Variants in HMCN1 observed in about 807,000 individuals in gnomAD.
The protein encoded by HMCN1 is hemicentin-1.
In HMCN1, 321 loss-of-function variants were observed where a neutral mutation model predicts 625.9. That is an observed-to-expected ratio of 0.51 (90% CI 0.47 to 0.56). The LOEUF is 0.56. Among genes scored for constraint, HMCN1 ranks in the 20% least tolerant of loss-of-function variants. The pLI is 0.00. For missense variants in HMCN1, 6,588 were observed against 6,887.3 expected (o/e 0.96, Z 1.54); for synonymous variants, 2,425 against 2,417.6 (o/e 1.00, Z -0.09).
chr1:185,837,464 T>C (rs1406844098), intron 1 of HMCN1, among the ~76,000 whole-genome samples: 1 of 152,016 alleles, frequency 6.6e-6, no homozygotes, highest in Non-Finnish European at 1.5e-5. Flanking sequence ...AGTTGAACAA[T>C]CTCTTCAGAT....
At chr1:186,070,584 C>A in intron 51 of HMCN1, 28 bp from the exon 52 acceptor site, 1 of 1,591,856 alleles carries the variant, frequency 6.3e-7, no homozygotes, top group African/African-American at 1.3e-5. Flanking sequence ...TAACCAATGT[C>A]TAACTCTTTA....
Position 186,145,876 on chromosome 1 carries a change from C to A in HMCN1, c.14561C>A (p.Pro4854His). Residue 4854 changes from proline to histidine, a missense_variant, in exon 93 of 107, where the codon CCC becomes CAC. Physicochemically the swap from Pro to His is moderately conservative, Grantham distance 77. Transcript: ENST00000271588. ...CCAGTTAAAGGTGGCCGTCCCTGTCCCGGAGACACTACTCAGGTGACCAGG... is the reference window on the plus strand; with the variant it reads ...CCAGTTAAAGGTGGCCGTCCCTGTCACGGAGACACTACTCAGGTGACCAGG... ...PVPVKGGRPC[P>H]GDTTQVTRCN... 1 of 1,613,998 alleles carries A rather than the reference C, an allele frequency of 6.2e-7. No homozygotes were observed.
At chr1:185,995,205 T>G (rs1354830373) in intron 24 of HMCN1, 118 bp downstream of exon 24, 1 of 910,432 alleles carries the variant, frequency 1.1e-6, no homozygotes, top group African/African-American at 1.7e-5. Context: ...TCTATATAAC[T>G]TTTGTGACTC....
chr1:186,076,302 C>T, intron 53 of HMCN1, 126 bp from the exon 54 acceptor site: 2 of 951,718 alleles, frequency 2.1e-6, no homozygotes, highest in South Asian at 2.8e-5. Flanking sequence ...GTGGTGGCGT[C>T]AGTACTTGAA....
At chr1:186,069,268 G>A (rs904694571) in intron 50 of HMCN1, among the ~76,000 whole-genome samples, 10 of 152,142 alleles carry the variant, frequency 6.6e-5, no homozygotes, top group South Asian at 2.1e-4. Context: ...TATTTAAGAA[G>A]GATAGGACCA....
intron 1 of HMCN1, among the ~76,000 whole-genome samples, chr1:185,738,316 T>C (rs1653737517): frequency 6.6e-6 from 1 of 152,162 alleles, no homozygotes; most frequent in Non-Finnish European, 1.5e-5. Context: ...TATACCCCAA[T>C]CATCTTCCCC....
intron 1 of HMCN1, among the ~76,000 whole-genome samples, chr1:185,778,057 C>T (rs564750213): frequency 6.6e-6 from 1 of 152,200 alleles, no homozygotes; most frequent in Non-Finnish European, 1.5e-5. Context: ...AATTGGGGAA[C>T]TTTCTTACTC....
Position 186,045,694 on chromosome 1 carries a change from C to T in HMCN1, c.6311C>T (p.Pro2104Leu), listed in dbSNP as rs772699843. ...AAACCCATCTTTCATGTAGTTCCGC[C>T]AAATATTATGGGAGAAGAACAGAAT... ...RDIDLRVYVP[P>L]NIMGEEQNVS... The change falls in exon 41 of 107, where the codon CCA becomes CTA. Residue 2104 changes from proline to leucine, a missense_variant. Pro to Leu is a moderately conservative substitution (Grantham distance 98). Around this residue, in one of 3 missense-constraint regions of HMCN1, gnomAD observed 4,628 missense variants for 4,853.1 expected, o/e 0.95. Coordinates refer to ENST00000271588, the MANE Select transcript of HMCN1 (RefSeq NM_031935.3). 1.9e-6 allele frequency: 3 copies of T among 1,613,018 alleles called. No individual in the cohort carries two copies. The East Asian group carries it at 6.7e-5, about 36-fold the overall frequency.
chr1:186,063,077 T>TATATATAC (rs1657843666), intron 48 of HMCN1, among the ~76,000 whole-genome samples: 2 of 94,016 alleles, frequency 2.1e-5, no homozygotes, highest in Admixed American at 1.1e-4. Context: ...CATATATATA[T>TATATATAC]ATATATATAT....
At chr1:186,074,929 A>G (rs1331789993) in intron 53 of HMCN1, 38 bp downstream of exon 53, 3 of 1,495,990 alleles carry the variant, frequency 2.0e-6, no homozygotes, top group Non-Finnish European at 2.8e-6. Flanking sequence ...TGTAATTTAT[A>G]TGATCTTTCA....
intron 1 of HMCN1, among the ~76,000 whole-genome samples, chr1:185,804,439 G>T (rs10489716): frequency 2.0e-5 from 3 of 151,898 alleles, no homozygotes; most frequent in Non-Finnish European, 4.4e-5. Context: ...TACCTTGAGA[G>T]TGCTTCACTG....
chr1:186,165,258 A>T, intron 98 of HMCN1, 85 bp downstream of exon 98: 2 of 1,119,508 alleles, frequency 1.8e-6, no homozygotes, highest in South Asian at 2.5e-5. Context: ...TTGCCCTTTC[A>T]CTAGGTATTT....
At chr1:186,141,005 A>C (rs1054221832) in intron 89 of HMCN1, among the ~76,000 whole-genome samples, 1 of 152,136 alleles carries the variant, frequency 6.6e-6, no homozygotes, top group Non-Finnish European at 1.5e-5. Flanking sequence ...ATGTAGACTC[A>C]GTGGAAGCCC....
At position 186,065,423 on chromosome 1, in the gene HMCN1, G is replaced by A. The variant is rs780583969; in HGVS notation, c.7699G>A (p.Val2567Ile). 5.6e-6 allele frequency: 9 copies of A among 1,599,892 alleles called. No homozygotes were observed. Among genetic ancestry groups the A allele is most frequent in the South Asian group, 4.5e-5 (4 of 89,844 alleles). Residue 2567 changes from valine (V) to isoleucine (I), a missense_variant, in exon 49 of 107, where the codon GTA becomes ATA. By Grantham distance (29) the Val-to-Ile change is conservative. Transcript: ENST00000271588. Reference protein sequence around the residue: ...GHKSRSFSLNVFVSPTIAGVG... With the variant: ...GHKSRSFSLNIFVSPTIAGVG... ...CAAGAGCAGGAGCTTCAGTCTTAAT[G>A]TATTTGGTAGGTGTGGGCTTTTCTT...
chr1:186,097,990 G>T (rs1166114403), intron 68 of HMCN1, among the ~76,000 whole-genome samples: 2 of 152,050 alleles, frequency 1.3e-5, no homozygotes, highest in Non-Finnish European at 2.9e-5. Context: ...GGAAAATTGG[G>T]ATGTCCACAT....
intron 1 of HMCN1, among the ~76,000 whole-genome samples, chr1:185,763,936 T>C (rs776900224): frequency 6.6e-6 from 1 of 152,186 alleles, no homozygotes; most frequent in Non-Finnish European, 1.5e-5. Context: ...ATATAATTGA[T>C]TGTGCAAGTT....
intron 2 of HMCN1, 120 bp from the exon 3 acceptor site, chr1:185,864,350 C>A: frequency 1.1e-6 from 1 of 903,426 alleles, no homozygotes; most frequent in Non-Finnish European, 1.8e-6. Flanking sequence ...AAGTGTCAAA[C>A]TGACAGAAAA....
At position 185,964,945 on chromosome 1, in the gene HMCN1, G is replaced by A. The variant is rs538672925; in HGVS notation, c.2099-857G>A. ...AAGTGAGGAACTGTAACAGGGTAAGGTTAAAAAAAAAGCTATGCACCCATT... is the reference window on the plus strand; with the variant it reads ...AAGTGAGGAACTGTAACAGGGTAAGATTAAAAAAAAAGCTATGCACCCATT... On this transcript the variant is annotated intron_variant, in intron 13 of 106. Coordinates refer to ENST00000271588, the MANE Select transcript of HMCN1 (RefSeq NM_031935.3). 2.6e-5 allele frequency among the ~76,000 whole-genome samples: 4 copies of A among 151,980 alleles called. No individual in the cohort carries two copies. The East Asian group carries it at 7.7e-4, about 29-fold the overall frequency.
chr1:186,009,476 C>G (rs1653852053), intron 30 of HMCN1, among the ~76,000 whole-genome samples: 1 of 151,438 alleles, frequency 6.6e-6, no homozygotes, highest in Non-Finnish European at 1.5e-5. Flanking sequence ...TGCTTTTGTT[C>G]TTAAAATGAA....
Sources: allele counts gnomAD v4.1 joint callset (sites outside exome capture counted in the v4.1 genomes callset), GRCh38; gene constraint gnomAD v4.1.1; regional missense constraint gnomAD v4.1.1; transcripts MANE v1.5; gene names NCBI Gene and HGNC (gene_info 2026-07-23, HGNC 2026-07-21).